The following MCTP1 variants were observed in gnomAD, a reference collection of about 807,000 sequenced individuals.
The protein encoded by MCTP1 is multiple C2 and transmembrane domain containing 1.
MCTP1 carries 69 observed loss-of-function variants against 120.6 expected under a neutral mutation model. The ratio of observed to expected loss-of-function variants is 0.57; its 90% confidence interval spans 0.47 to 0.70. The LOEUF is 0.70. MCTP1 is among the 30% of genes least tolerant of loss of function. MCTP1 has a pLI of 0.00. For synonymous variants in MCTP1, 529 were observed against 493.1 expected, an observed-to-expected ratio of 1.07 and a Z score of -0.96; for missense variants, 1,203 against 1,248.8, an observed-to-expected ratio of 0.96 and a Z score of 0.55.
intron 1 of MCTP1, chr5:95,081,400 A>G (rs563518871): frequency 4.4e-6 from 7 of 1,603,540 alleles, no homozygotes; most frequent in East Asian, 2.2e-5. Context: ...ACCACAATCC[A>G]GTGAGTAAAC....
intron 19 of MCTP1, among the ~76,000 whole-genome samples, chr5:94,722,729 G>T (rs1048608444): frequency 1.7e-4 from 26 of 152,144 alleles, no homozygotes; most frequent in Admixed American, 1.7e-3. Context: ...TTGGCAAAAG[G>T]TGAATGGTAA....
intron 1 of MCTP1, among the ~76,000 whole-genome samples, chr5:95,159,724 T>G (rs1189934981): frequency 6.6e-6 from 1 of 152,066 alleles, no homozygotes; most frequent in Admixed American, 6.6e-5. Context: ...CATTGAAGCT[T>G]GAGAGTCATT....
chr5:95,102,313 G>A (rs1465717722), intron 1 of MCTP1, among the ~76,000 whole-genome samples: 1 of 152,196 alleles, frequency 6.6e-6, no homozygotes, highest in African/African-American at 2.4e-5. Context: ...AGTCTCAGCT[G>A]ACCCAAAGCT....
intron 1 of MCTP1, among the ~76,000 whole-genome samples, chr5:95,032,708 T>G (rs2151779182): frequency 6.6e-6 from 1 of 151,988 alleles, no homozygotes; most frequent in East Asian, 1.9e-4. Flanking sequence ...AAACCTAAAG[T>G]TAGCAGAAGA....
intron 1 of MCTP1, among the ~76,000 whole-genome samples, chr5:95,066,021 A>T (rs530620746): frequency 1.3e-5 from 2 of 152,354 alleles, no homozygotes; most frequent in African/African-American, 4.8e-5. Context: ...GGATTACATC[A>T]AACTAAAAAG....
intron 1 of MCTP1, among the ~76,000 whole-genome samples, chr5:95,179,008 G>A (rs540487104): frequency 2.9e-4 from 44 of 152,244 alleles, no homozygotes; most frequent in South Asian, 6.2e-4. Context: ...GGAAATCAAG[G>A]ATACACTTAG....
At chr5:94,734,750 C>T (rs1763835104) in intron 19 of MCTP1, among the ~76,000 whole-genome samples, 1 of 152,202 alleles carries the variant, frequency 6.6e-6, no homozygotes, top group African/African-American at 2.4e-5. Context: ...AGTGAGGCAT[C>T]ATGCCTAGTC....
At position 95,240,072 on chromosome 5, in the gene MCTP1, T is replaced by G. The variant is rs1755993458; in HGVS notation, c.720+43784A>C. ...GGCATTTAAACTTTTATAATATATA[T>G]TTATTTACATACAAATTTCATAATT... On this transcript the variant is annotated intron_variant, in intron 1 of 22. Coordinates refer to ENST00000515393, the MANE Select transcript of MCTP1 (RefSeq NM_024717.7). 1.3e-5 allele frequency among the ~76,000 whole-genome samples: 2 copies of G among 152,098 alleles called. 1 individual carries two copies. Among genetic ancestry groups the G allele is most frequent in the African/African-American group, 4.8e-5 (2 of 41,456 alleles).
chr5:94,780,008 A>G (rs1776230050), intron 18 of MCTP1, among the ~76,000 whole-genome samples: 1 of 152,138 alleles, frequency 6.6e-6, no homozygotes, highest in Non-Finnish European at 1.5e-5. Context: ...ATTGTTTTCC[A>G]CACTTCACAA....
At chr5:95,064,481 C>G (rs373833636) in intron 1 of MCTP1, among the ~76,000 whole-genome samples, 1 of 152,160 alleles carries the variant, frequency 6.6e-6, no homozygotes, top group South Asian at 2.1e-4. Context: ...CCCTTAATAA[C>G]TCACTTAGTA....
At chr5:95,128,173 A>G (rs1350284794) in intron 1 of MCTP1, among the ~76,000 whole-genome samples, 1 of 152,226 alleles carries the variant, frequency 6.6e-6, no homozygotes, top group Non-Finnish European at 1.5e-5. Flanking sequence ...GCACTTGTCT[A>G]AAGCTCCATG....
chr5:94,790,469 G>A (rs903541903), intron 18 of MCTP1, among the ~76,000 whole-genome samples: 2 of 152,194 alleles, frequency 1.3e-5, no homozygotes, highest in African/African-American at 4.8e-5. Flanking sequence ...CTAACCATTA[G>A]GGTTCATCAT....
At chr5:94,822,420 T>C (rs1027827364) in intron 17 of MCTP1, among the ~76,000 whole-genome samples, 5 of 152,248 alleles carry the variant, frequency 3.3e-5, no homozygotes, top group Admixed American at 6.5e-5. Flanking sequence ...TAATATTCCA[T>C]GGTGTATATG....
intron 1 of MCTP1, among the ~76,000 whole-genome samples, chr5:95,213,214 C>T (rs1404922001): frequency 6.6e-6 from 1 of 152,110 alleles, no homozygotes; most frequent in Non-Finnish European, 1.5e-5. Context: ...TGTTATACAC[C>T]AGTAACAGAC....
chr5:95,167,737 C>A (rs1746612849), intron 1 of MCTP1, among the ~76,000 whole-genome samples: 1 of 152,162 alleles, frequency 6.6e-6, no homozygotes, highest in African/African-American at 2.4e-5. Flanking sequence ...ATATCCTTTG[C>A]CCACTTGTAG....
chr5:95,239,281 C>A (rs1322440443), intron 1 of MCTP1, among the ~76,000 whole-genome samples: 2 of 152,130 alleles, frequency 1.3e-5, no homozygotes, highest in Non-Finnish European at 2.9e-5. Context: ...AGTTCCTAAA[C>A]TTTCTATGAC....
At chr5:95,049,350 C>T (rs962247610) in intron 1 of MCTP1, among the ~76,000 whole-genome samples, 1 of 152,080 alleles carries the variant, frequency 6.6e-6, no homozygotes, top group Non-Finnish European at 1.5e-5. Context: ...GCCTGAATTA[C>T]CGCCCACCGT....
chr5:94,746,180 T>A (rs1189280563), intron 19 of MCTP1, among the ~76,000 whole-genome samples: 1 of 152,222 alleles, frequency 6.6e-6, no homozygotes, highest in African/African-American at 2.4e-5. Context: ...TGTCATTATG[T>A]ACAAAGTCCG....
chr5:95,120,090 T>C (rs956719020), intron 1 of MCTP1, among the ~76,000 whole-genome samples: 1 of 131,524 alleles, frequency 7.6e-6, no homozygotes, highest in Non-Finnish European at 1.7e-5. Context: ...GGCAGGAGAA[T>C]GGCGTGAACC....
Sources: allele counts gnomAD v4.1 joint callset (sites outside exome capture counted in the v4.1 genomes callset), GRCh38; gene constraint gnomAD v4.1.1; transcripts MANE v1.5; gene names NCBI Gene and HGNC (gene_info 2026-07-23, HGNC 2026-07-21).